Variants in SNX29 observed in about 807,000 individuals in gnomAD.
The protein encoded by SNX29 is sorting nexin 29, also known as sorting nexin-29.
Under a neutral mutation model 102.1 loss-of-function variants are expected in SNX29, and 78 were observed. That is an observed-to-expected ratio of 0.76 (90% CI 0.64 to 0.92). The LOEUF is 0.92. Among genes scored for constraint, SNX29 ranks in the 40% least tolerant of loss-of-function variants. SNX29 has a pLI of 0.00. For synonymous variants in SNX29, 580 were observed against 414.5 expected, an observed-to-expected ratio of 1.40 and a Z score of -4.85; for missense variants, 1,280 against 1,061.7, an observed-to-expected ratio of 1.21 and a Z score of -2.86.
chr16:12,543,548 C>A (rs566309175), intron 20 of SNX29, among the ~76,000 whole-genome samples: 1 of 152,198 alleles, frequency 6.6e-6, no homozygotes, highest in Non-Finnish European at 1.5e-5. Flanking sequence ...CAGACTTCCA[C>A]GCCCACTGAG....
chr16:12,475,939 T>A (rs2087571435), intron 18 of SNX29, among the ~76,000 whole-genome samples: 1 of 152,202 alleles, frequency 6.6e-6, no homozygotes, highest in Admixed American at 6.5e-5. Context: ...TGTATGATGA[T>A]CAGAGAAGTG....
At chr16:12,010,313 A>T (rs1196685285) in intron 3 of SNX29, among the ~76,000 whole-genome samples, 1 of 152,176 alleles carries the variant, frequency 6.6e-6, no homozygotes, top group African/African-American at 2.4e-5. Flanking sequence ...TCAGGTATTC[A>T]TCTGCATTTA....
At chr16:12,557,760 C>T (rs1229739609) in intron 20 of SNX29, 10 of 152,188 alleles carry the variant, frequency 6.6e-5, no homozygotes, top group Non-Finnish European at 2.9e-5. Context: ...TGTCACTAAG[C>T]AACAGATATT....
chr16:12,065,016 A>G (rs1439152206), intron 9 of SNX29, among the ~76,000 whole-genome samples: 1 of 152,202 alleles, frequency 6.6e-6, no homozygotes, highest in Non-Finnish European at 1.5e-5. Flanking sequence ...AGAGAAGGCA[A>G]AGGCACTGGC....
chr16:12,552,844 G>C (rs1002295687), intron 20 of SNX29, among the ~76,000 whole-genome samples: 1 of 152,224 alleles, frequency 6.6e-6, no homozygotes, highest in Non-Finnish European at 1.5e-5. Context: ...TGCCAGAGAG[G>C]AGAGGGTGTG....
At chr16:12,567,470 G>C (rs147733103) in intron 20 of SNX29, among the ~76,000 whole-genome samples, 2 of 152,174 alleles carry the variant, frequency 1.3e-5, no homozygotes, top group African/African-American at 4.8e-5. Flanking sequence ...CCCTTATCTA[G>C]CAAAAGGGAC....
chr16:12,007,953 T>C (rs942658076), intron 3 of SNX29, among the ~76,000 whole-genome samples: 10 of 152,198 alleles, frequency 6.6e-5, no homozygotes, highest in Non-Finnish European at 1.5e-4. Context: ...ACTTTTTCTT[T>C]CTTTTTTTGA....
intron 20 of SNX29, among the ~76,000 whole-genome samples, chr16:12,537,232 C>G (rs946443844): frequency 4.6e-5 from 7 of 152,176 alleles, no homozygotes; most frequent in East Asian, 1.9e-4. Flanking sequence ...TGCAAGGTGC[C>G]AGGCACACCC....
chr16:12,191,420 C>T (rs1228254571), intron 13 of SNX29, among the ~76,000 whole-genome samples: 1 of 152,182 alleles, frequency 6.6e-6, no homozygotes, highest in African/African-American at 2.4e-5. Context: ...ACATGACTTA[C>T]CTCCTCTGTA....
At chr16:12,541,721 ACCT>A (rs1349824865) in intron 20 of SNX29, among the ~76,000 whole-genome samples, 3 of 151,114 alleles carry the variant, frequency 2.0e-5, no homozygotes, top group Non-Finnish European at 3.0e-5. Context: ...GATTCCTGTC[ACCT>A]CCTGTCTTTT....
At chr16:12,563,528 G>C (rs985924505) in intron 20 of SNX29, among the ~76,000 whole-genome samples, 2 of 152,192 alleles carry the variant, frequency 1.3e-5, no homozygotes, top group Non-Finnish European at 2.9e-5. Flanking sequence ...GTGAAAAATT[G>C]AGTTGTCTCC....
intron 11 of SNX29, among the ~76,000 whole-genome samples, chr16:12,086,575 T>C (rs2052203708): frequency 6.6e-6 from 1 of 152,028 alleles, no homozygotes; most frequent in Non-Finnish European, 1.5e-5. Flanking sequence ...CCCGCCCGGC[T>C]GTGTTTTAAT....
intron 20 of SNX29, chr16:12,546,569 G>A (rs1013152620): frequency 6.6e-6 from 1 of 152,190 alleles, no homozygotes; most frequent in East Asian, 1.9e-4. Flanking sequence ...ATGACACATG[G>A]TTTGGCTGTG....
intron 11 of SNX29, among the ~76,000 whole-genome samples, chr16:12,092,245 C>T (rs1290350630): frequency 6.6e-6 from 1 of 152,096 alleles, no homozygotes. Flanking sequence ...CCTCCTCCCC[C>T]AAATCCTGCC....
intron 15 of SNX29, among the ~76,000 whole-genome samples, chr16:12,334,348 C>T (rs1255603490): frequency 6.6e-6 from 1 of 152,144 alleles, no homozygotes; most frequent in Non-Finnish European, 1.5e-5. Context: ...TGGGGCTTCG[C>T]TTTTGTGAAG....
Position 12,570,508 on chromosome 16 carries a change from T to A in SNX29, c.*1879T>A. 4.3e-6 allele frequency: 1 copy of A among 232,940 alleles called. No individual in the cohort carries two copies. Among genetic ancestry groups the A allele is most frequent in the Non-Finnish European group, 8.5e-6 (1 of 117,888 alleles). 14.4% of individuals were successfully genotyped at this position (232,940 alleles called of 1,614,324 possible). On this transcript the variant is annotated 3_prime_UTR_variant, in exon 21 of 21. Coordinates refer to ENST00000566228, the MANE Select transcript of SNX29 (RefSeq NM_032167.5). ...TATGTCATGACCCCTTAGGTTGGGT[T>A]TATGCCACATCGGTCATTTTGAAGT...
chr16:12,549,870 A>C (rs2077856924), intron 20 of SNX29, among the ~76,000 whole-genome samples: 1 of 152,250 alleles, frequency 6.6e-6, no homozygotes, highest in South Asian at 2.1e-4. Context: ...ACAGCCAAAG[A>C]TGGTTCAGAC....
intron 19 of SNX29, among the ~76,000 whole-genome samples, chr16:12,479,591 C>G (rs1176030942): frequency 3.3e-5 from 5 of 152,186 alleles, no homozygotes; most frequent in Non-Finnish European, 7.3e-5. Flanking sequence ...AAACTCTATA[C>G]TTGTTCATAG....
At position 12,212,567 on chromosome 16, in the gene SNX29, T is replaced by C. The variant is rs529733879; in HGVS notation, c.1678+12884T>C. ...ACGGAATAAGTTGCCATCTCTGAGC[T>C]TCAGTATTTCCATTTGAGGAGTAAA... On this transcript the variant is annotated intron_variant, in intron 14 of 20. Coordinates refer to ENST00000566228, the MANE Select transcript of SNX29 (RefSeq NM_032167.5). 2.6e-5 allele frequency among the ~76,000 whole-genome samples: 4 copies of C among 152,324 alleles called. No homozygotes were observed. In the South Asian group the frequency reaches 6.2e-4, roughly 24 times the overall value.
Sources: gnomAD v4.1 joint callset for allele counts (sites outside exome capture counted in the v4.1 genomes callset) on GRCh38, gnomAD v4.1.1 for gene constraint, MANE v1.5 for transcripts, NCBI Gene and HGNC (gene_info 2026-07-23, HGNC 2026-07-21) for gene names.